GRIK2: variants seen among roughly 807,000 people sequenced by gnomAD.
GRIK2 encodes glutamate receptor ionotropic, kainate 2.
GRIK2 carries 32 observed loss-of-function variants against 100.3 expected under a neutral mutation model. The observed-to-expected ratio is 0.32, with a 90% CI of 0.24 to 0.43. The LOEUF (loss-of-function observed/expected upper bound fraction) is 0.43, where lower values mean the gene tolerates loss of function less well. Among genes scored for constraint, GRIK2 ranks in the 20% least tolerant of loss-of-function variants. The pLI is 1.00. For missense variants in GRIK2, 843 were observed against 1,114.9 expected (o/e 0.76, Z 3.47); for synonymous variants, 417 against 389.4 (o/e 1.07, Z -0.83).
intron 11 of GRIK2, among the ~76,000 whole-genome samples, chr6:101,871,036 G>T (rs953043722): frequency 7.2e-5 from 11 of 151,790 alleles, no homozygotes; most frequent in African/African-American, 2.4e-4. Flanking sequence ...AATGAGATTT[G>T]ATTACCTATA....
At chr6:101,467,741 A>G (rs901861433) in intron 2 of GRIK2, among the ~76,000 whole-genome samples, 3 of 152,216 alleles carry the variant, frequency 2.0e-5, no homozygotes, top group Non-Finnish European at 4.4e-5. Context: ...CAAGTTCAGC[A>G]ATACAGTGAA....
Position 101,818,247 on chromosome 6 carries a change from T to G in GRIK2, c.1204-123T>G, listed in dbSNP as rs975189553. On this transcript the variant is annotated intron_variant, in intron 9 of 16. Transcript: ENST00000369134. ...ATGCTTTAAACAAGCTGCCTTTACTTTAACGGCAGCAGACAATGCAGCAAA... is the reference window on the plus strand; with the variant it reads ...ATGCTTTAAACAAGCTGCCTTTACTGTAACGGCAGCAGACAATGCAGCAAA... 49 of 606,642 alleles carry G rather than the reference T, an allele frequency of 8.1e-5. 1 individual carries two copies. The South Asian group carries it at 1.0e-3, about 13-fold the overall frequency. The allele number at this position is 606,642 out of a possible 1,614,324, so 37.6% of individuals were successfully genotyped here. A position where few individuals can be genotyped will look rare whatever the true frequency, so the allele number is the denominator to read the frequency against.
intron 4 of GRIK2, among the ~76,000 whole-genome samples, chr6:101,631,496 A>G (rs188257988): frequency 6.6e-6 from 1 of 152,270 alleles, no homozygotes; most frequent in African/African-American, 2.4e-5. Flanking sequence ...ATGAATTGAC[A>G]TTGTGTTAGT....
At chr6:102,062,473 C>T (rs539492362) in intron 16 of GRIK2, among the ~76,000 whole-genome samples, 1 of 147,760 alleles carries the variant, frequency 6.8e-6, no homozygotes, top group Non-Finnish European at 1.5e-5. Context: ...AACTTGACTT[C>T]TTAAGTTTTA....
intron 2 of GRIK2, among the ~76,000 whole-genome samples, chr6:101,556,321 ATTTTTTTT>A (rs10528480): frequency 2.4e-4 from 14 of 59,398 alleles, no homozygotes; most frequent in East Asian, 1.0e-3. Flanking sequence ...TATATTGGTA[ATTTTTTTT>A]TTTTTTTTTT....
At position 101,989,069 on chromosome 6, in the gene GRIK2, T is replaced by C. The variant is rs9498796; in HGVS notation, c.2086-46272T>C. On this transcript the variant is annotated intron_variant, in intron 14 of 16. Coordinates refer to ENST00000369134, the MANE Select transcript of GRIK2 (RefSeq NM_021956.5). ...TCAATCTTGTTCTATTATGAATCAG[T>C]AAGAGCAACTTATGGAATGACCATT... Among the ~76,000 whole-genome samples, 1,468 of 152,114 alleles carry C rather than the reference T, an allele frequency of 9.7e-3. 27 individuals carry two copies. The highest frequency in any genetic ancestry group is 0.034 in the African/African-American group (1,423 of 41,556).
chr6:101,707,290 A>G (rs77102759), intron 7 of GRIK2, among the ~76,000 whole-genome samples: 16,817 of 151,392 alleles, frequency 0.11, 1,251 homozygotes, highest in East Asian at 0.29. Flanking sequence ...CATGCCAGCA[A>G]TGTTCAACAA....
chr6:101,820,937 A>T (rs1002830941), intron 10 of GRIK2, among the ~76,000 whole-genome samples: 12 of 152,192 alleles, frequency 7.9e-5, no homozygotes, highest in Non-Finnish European at 1.6e-4. Flanking sequence ...TTAAAAAACT[A>T]TGTATGTTTG....
chr6:101,691,904 T>A (rs562054438), intron 7 of GRIK2, among the ~76,000 whole-genome samples: 1 of 152,038 alleles, frequency 6.6e-6, no homozygotes, highest in African/African-American at 2.4e-5. Context: ...GATTTACTTG[T>A]ATAGCTGGGT....
At chr6:101,401,935 G>T (rs1775329667) in intron 2 of GRIK2, among the ~76,000 whole-genome samples, 1 of 152,290 alleles carries the variant, frequency 6.6e-6, no homozygotes, top group Non-Finnish European at 1.5e-5. Flanking sequence ...CCTTGGCGTG[G>T]CTAGGCGCCG....
In GRIK2 at chr6:101,617,043, G is replaced by A. The variant is rs184021707; in HGVS notation, c.116-4906G>A. Among the ~76,000 whole-genome samples, 675 of 151,204 alleles carry A rather than the reference G, an allele frequency of 4.5e-3. 3 individuals are homozygous for A. The highest frequency in any genetic ancestry group is 7.9e-3 in the Non-Finnish European group (537 of 67,624). On this transcript the variant is annotated intron_variant, in intron 2 of 16. Coordinates refer to ENST00000369134, the MANE Select transcript of GRIK2 (RefSeq NM_021956.5). Reference sequence around the variant, plus strand: ...TTCATATTTGTCTTTCGTTATATTTGATGCATAGATGTTTTTCAAATATTG... The same window carrying A: ...TTCATATTTGTCTTTCGTTATATTTAATGCATAGATGTTTTTCAAATATTG...
Position 101,760,604 on chromosome 6 carries a change from ATAATTATATT to A in GRIK2, c.952-39034_952-39025del, listed in dbSNP as rs1447057808. Among the ~76,000 whole-genome samples the A allele has an allele frequency of 2.3e-3, 140 of 62,078 alleles. 19 individuals carry two copies. Among genetic ancestry groups the A allele is most frequent in the African/African-American group, 0.016 (136 of 8,360 alleles). The allele number at this position is 62,078 out of a possible 152,430, so 40.7% of individuals were successfully genotyped here. A position where few individuals can be genotyped will look rare whatever the true frequency, so the allele number is the denominator to read the frequency against. ...TATATATAATTATATATAATTATAT[ATAATTATATT>A]TAATTATATGTTTAATTATATATAA... On this transcript the variant is annotated intron_variant, in intron 7 of 16. Coordinates refer to ENST00000369134, the MANE Select transcript of GRIK2 (RefSeq NM_021956.5).
intron 15 of GRIK2, among the ~76,000 whole-genome samples, chr6:102,045,095 A>G (rs1386429040): frequency 9.9e-5 from 15 of 152,066 alleles, no homozygotes; most frequent in Admixed American, 8.5e-4. Flanking sequence ...TGTTGAGTAC[A>G]TAAATATTAC....
At chr6:101,490,144 T>C (rs1018950580) in intron 2 of GRIK2, among the ~76,000 whole-genome samples, 1 of 141,964 alleles carries the variant, frequency 7.0e-6, no homozygotes, top group Non-Finnish European at 1.5e-5. Context: ...AACATAGACA[T>C]ACAGAGATAT....
At chr6:101,846,021 G>A (rs1187913870) in intron 10 of GRIK2, among the ~76,000 whole-genome samples, 1 of 149,546 alleles carries the variant, frequency 6.7e-6, no homozygotes, top group Non-Finnish European at 1.5e-5. Flanking sequence ...TTTTTTTGTT[G>A]TTGTTGTTGT....
At position 101,493,676 on chromosome 6, in the gene GRIK2, GTC is replaced by G. The variant is rs528812565; in HGVS notation, c.115+94286_115+94287del. 1.5e-3 allele frequency among the ~76,000 whole-genome samples: 224 copies of G among 151,848 alleles called. 1 individual carries two copies. Among genetic ancestry groups the G allele is most frequent in the African/African-American group, 5.1e-3 (211 of 41,508 alleles). On this transcript the variant is annotated intron_variant, in intron 2 of 16. Coordinates refer to ENST00000369134, the MANE Select transcript of GRIK2 (RefSeq NM_021956.5). ...AGGAATAGAGGAGAAAGTAGAGTGAGTCTGCAGGGAAAAGCAGAAGTCCAATC... is the reference window on the plus strand; with the variant it reads ...AGGAATAGAGGAGAAAGTAGAGTGAGTGCAGGGAAAAGCAGAAGTCCAATC...
intron 2 of GRIK2, among the ~76,000 whole-genome samples, chr6:101,592,586 CACATATATATATAT>C (rs1239028414): frequency 1.1e-4 from 6 of 53,390 alleles, no homozygotes; most frequent in South Asian, 8.1e-4. Flanking sequence ...TTACTAATAT[CACATATATATATAT>C]ATATATATAT....
rs1030689879 is a variant in GRIK2 at position 101,760,736 on chromosome 6, A to T, written c.952-38912A>T. Among the ~76,000 whole-genome samples, 7 of 133,424 alleles carry T rather than the reference A, an allele frequency of 5.2e-5. 1 individual carries two copies. The highest frequency in any genetic ancestry group is 7.9e-3 in the Middle Eastern group (2 of 254). The allele number at this position is 133,424 out of a possible 152,430, so 87.5% of individuals were successfully genotyped here. ...TTTAATTATATTTAATTATATAATT[A>T]TATATTTAATTATATATAATTATAT... is the stretch of plus-strand genomic sequence containing the variant. On this transcript the variant is annotated intron_variant, in intron 7 of 16. Coordinates refer to ENST00000369134, the MANE Select transcript of GRIK2 (RefSeq NM_021956.5).
At chr6:101,556,813 C>T (rs1582709209) in intron 2 of GRIK2, among the ~76,000 whole-genome samples, 4 of 152,206 alleles carry the variant, frequency 2.6e-5, no homozygotes, top group Admixed American at 2.6e-4. Context: ...CGGTTTAATG[C>T]CAAACCTCAG....
Sources: allele counts gnomAD v4.1 joint callset (sites outside exome capture counted in the v4.1 genomes callset), GRCh38; gene constraint gnomAD v4.1.1; transcripts MANE v1.5; gene names NCBI Gene and HGNC (gene_info 2026-07-23, HGNC 2026-07-21).